Variants in DNM3 observed in about 807,000 individuals in gnomAD.
DNM3 encodes dynamin-3.
Under a neutral mutation model 101.6 loss-of-function variants are expected in DNM3, and 47 were observed. That is an observed-to-expected ratio of 0.46 (90% CI 0.37 to 0.59). DNM3 has a LOEUF of 0.59. DNM3 is among the 20% of genes least tolerant of loss of function. The pLI is 0.00. For synonymous variants in DNM3, 385 were observed against 387.9 expected, an observed-to-expected ratio of 0.99 and a Z score of 0.09; for missense variants, 849 against 1,085.7, an observed-to-expected ratio of 0.78 and a Z score of 3.06.
intron 1 of DNM3, among the ~76,000 whole-genome samples, chr1:171,868,806 C>T (rs1335031320): frequency 5.3e-5 from 8 of 151,370 alleles, no homozygotes; most frequent in Non-Finnish European, 8.8e-5. Context: ...TTTTTTGAGA[C>T]GGAGTCTCGC....
chr1:172,154,849 T>C (rs1397004448), intron 14 of DNM3, among the ~76,000 whole-genome samples: 1 of 152,072 alleles, frequency 6.6e-6, no homozygotes, highest in Non-Finnish European at 1.5e-5. Flanking sequence ...GCAGACATTA[T>C]TCTGAGAATG....
intron 1 of DNM3, among the ~76,000 whole-genome samples, chr1:171,875,490 ATAAGT>A (rs574482098): frequency 5.9e-5 from 9 of 152,334 alleles, no homozygotes; most frequent in Non-Finnish European, 7.3e-5. Flanking sequence ...AAAATGACAC[ATAAGT>A]TAGATTTGGC....
chr1:172,189,734 T>G (rs982500990), intron 14 of DNM3, among the ~76,000 whole-genome samples: 2 of 152,054 alleles, frequency 1.3e-5, no homozygotes, highest in Admixed American at 6.6e-5. Flanking sequence ...TGTACAAGTG[T>G]GGCTCCAGCA....
At chr1:172,072,343 A>G (rs1050190876) in intron 11 of DNM3, among the ~76,000 whole-genome samples, 4 of 152,204 alleles carry the variant, frequency 2.6e-5, no homozygotes, top group African/African-American at 9.7e-5. Flanking sequence ...GTATGATGTT[A>G]TTGACCTAAT....
intron 15 of DNM3, among the ~76,000 whole-genome samples, chr1:172,278,466 C>T (rs183370734): frequency 6.6e-5 from 10 of 152,186 alleles, no homozygotes; most frequent in Middle Eastern, 3.4e-3. Context: ...AGAAAGTTTA[C>T]GAATTCATGT....
chr1:172,185,040 A>T (rs1283048665), intron 14 of DNM3, among the ~76,000 whole-genome samples: 3 of 152,112 alleles, frequency 2.0e-5, no homozygotes, highest in Non-Finnish European at 2.9e-5. Flanking sequence ...GAGGCTGGAA[A>T]CTTAGTCAAC....
At chr1:172,057,105 T>C (rs542565568) in intron 10 of DNM3, among the ~76,000 whole-genome samples, 1 of 151,862 alleles carries the variant, frequency 6.6e-6, no homozygotes, top group African/African-American at 2.4e-5. Flanking sequence ...CAATGGAAGA[T>C]GAAGTGAATG....
At chr1:172,122,349 T>C (rs2056374408) in intron 13 of DNM3, among the ~76,000 whole-genome samples, 1 of 152,192 alleles carries the variant, frequency 6.6e-6, no homozygotes, top group South Asian at 2.1e-4. Context: ...TTAACTCATA[T>C]GATTCTCATA....
intron 17 of DNM3, among the ~76,000 whole-genome samples, chr1:172,327,769 A>G (rs1462731181): frequency 6.6e-6 from 1 of 152,118 alleles, no homozygotes; most frequent in Non-Finnish European, 1.5e-5. Context: ...GCATAACCCA[A>G]TAAGGACATC....
At chr1:172,149,650 T>C (rs2058053969) in intron 14 of DNM3, among the ~76,000 whole-genome samples, 1 of 152,118 alleles carries the variant, frequency 6.6e-6, no homozygotes, top group Non-Finnish European at 1.5e-5. Context: ...GCTGGTTCCC[T>C]TGGACAAGAG....
intron 14 of DNM3, among the ~76,000 whole-genome samples, chr1:172,230,730 T>C (rs1376752499): frequency 6.6e-6 from 1 of 152,154 alleles, no homozygotes; most frequent in Non-Finnish European, 1.5e-5. Flanking sequence ...AGCACACTTC[T>C]GTTTCCAGCA....
chr1:172,294,317 AG>A (rs1203018427), intron 15 of DNM3, among the ~76,000 whole-genome samples: 1 of 152,134 alleles, frequency 6.6e-6, no homozygotes, highest in Non-Finnish European at 1.5e-5. Flanking sequence ...TTCTATAAAA[AG>A]TTTAGCATCT....
intron 13 of DNM3, among the ~76,000 whole-genome samples, chr1:172,094,434 G>C (rs2054112497): frequency 6.6e-6 from 1 of 152,068 alleles, no homozygotes; most frequent in African/African-American, 2.4e-5. Context: ...TTGGAGCATG[G>C]GTCAATTATC....
At chr1:172,212,670 T>TA (rs1238398187) in intron 14 of DNM3, among the ~76,000 whole-genome samples, 4 of 152,140 alleles carry the variant, frequency 2.6e-5, no homozygotes, top group Non-Finnish European at 5.9e-5. Flanking sequence ...ACAAGGCAAA[T>TA]AAGTGTTTCA....
intron 4 of DNM3, among the ~76,000 whole-genome samples, chr1:172,004,649 A>G (rs572799380): frequency 2.0e-5 from 3 of 152,132 alleles, no homozygotes; most frequent in African/African-American, 7.2e-5. Context: ...AAGGTGGAAG[A>G]TTTGGGTTTG....
chr1:172,322,561 C>T (rs1332963628), intron 16 of DNM3, among the ~76,000 whole-genome samples: 1 of 152,196 alleles, frequency 6.6e-6, no homozygotes, highest in South Asian at 2.1e-4. Flanking sequence ...CTGCTGCTGG[C>T]GGTTCTGTGT....
intron 2 of DNM3, among the ~76,000 whole-genome samples, chr1:171,968,827 C>G (rs2043784639): frequency 1.3e-5 from 2 of 152,088 alleles, no homozygotes; most frequent in South Asian, 4.1e-4. Flanking sequence ...TTTTAATTTT[C>G]TGTTGGAACA....
intron 18 of DNM3, 56 bp from the exon 19 acceptor site, chr1:172,387,077 C>A: frequency 6.9e-7 from 1 of 1,440,566 alleles, no homozygotes. Flanking sequence ...CATGTTTCTA[C>A]CTCCACTCAG....
chr1:172,150,942 C>G (rs1306861675), intron 14 of DNM3, among the ~76,000 whole-genome samples: 1 of 152,182 alleles, frequency 6.6e-6, no homozygotes, highest in Non-Finnish European at 1.5e-5. Context: ...GCCATCATAA[C>G]CTTTCTCACC....
Sources: gnomAD v4.1 joint callset for allele counts (sites outside exome capture counted in the v4.1 genomes callset) on GRCh38, gnomAD v4.1.1 for gene constraint, MANE v1.5 for transcripts, NCBI Gene and HGNC (gene_info 2026-07-23, HGNC 2026-07-21) for gene names.